The following ATP7B variants were observed in gnomAD, a reference collection of about 807,000 sequenced individuals.
ATP7B encodes the protein ATPase copper transporting beta, also known as copper-transporting ATPase 2.
ATP7B carries 113 observed loss-of-function variants against 118.9 expected under a neutral mutation model. That is an observed-to-expected ratio of 0.95 (90% CI 0.82 to 1.11). The LOEUF (loss-of-function observed/expected upper bound fraction) is 1.11, where lower values mean the gene tolerates loss of function less well. Ranked by LOEUF, ATP7B falls within the 50% of genes most tolerant of loss-of-function variation. The pLI is 0.00. For synonymous variants in ATP7B, 777 were observed against 727.4 expected (o/e 1.07, Z -1.10); for missense variants, 1,867 against 1,871.4 (o/e 1.00, Z 0.04).
chr13:51,945,068 T>G (rs544531029), intron 13 of ATP7B, among the ~76,000 whole-genome samples: 44 of 122,642 alleles, frequency 3.6e-4, no homozygotes, highest in African/African-American at 1.2e-3. Context: ...TTTCTGATGC[T>G]GAGCGGTGGC....
Position 51,934,708 on chromosome 13 carries a change from G to T in ATP7B, c.*48C>A. The T allele has an allele frequency of 6.2e-7, 1 of 1,608,516 alleles. No individual in the cohort carries two copies. ...TGCTGCTGGCTGTCCTGCTCAGCTTGTGGTGAGTGGAGGCAAGTCCCTGCC... is the reference window on the plus strand; with the variant it reads ...TGCTGCTGGCTGTCCTGCTCAGCTTTTGGTGAGTGGAGGCAAGTCCCTGCC... On this transcript the variant is annotated 3_prime_UTR_variant, in exon 21 of 21. Coordinates refer to ENST00000242839, the MANE Select transcript of ATP7B (RefSeq NM_000053.4).
intron 12 of ATP7B, among the ~76,000 whole-genome samples, chr13:51,948,248 T>C (rs1291424831): frequency 1.3e-5 from 2 of 152,190 alleles, no homozygotes; most frequent in Admixed American, 6.5e-5. Flanking sequence ...AAAAAAATTA[T>C]CCATTCTGTA....
intron 1 of ATP7B, among the ~76,000 whole-genome samples, chr13:51,993,331 G>A (rs184548301): frequency 3.3e-5 from 5 of 151,220 alleles, no homozygotes; most frequent in Non-Finnish European, 5.9e-5. Context: ...ACTTTGGGAG[G>A]GGGAGGCAGG....
At position 51,941,178 on chromosome 13, in the gene ATP7B, C is replaced by A. The variant is rs1330620114; in HGVS notation, c.3459G>T (p.Trp1153Cys). The change falls in exon 16 of 21, where the codon TGG (tryptophan) becomes TGT (cysteine). Residue 1153 changes from tryptophan (W) to cysteine (C), a missense_variant. Physicochemically the swap from Trp to Cys is radical, Grantham distance 215. Coordinates refer to ENST00000242839, the MANE Select transcript of ATP7B (RefSeq NM_000053.4). Reference protein sequence around the residue: ...TFSVLIGNREWLRRNGLTISS... With the variant: ...TFSVLIGNRECLRRNGLTISS... ...AAATGGTTAAACCGTTGCGCCTCAGCCACTCACGGTTTCCAATCAGCACAG... is the reference window on the plus strand; with the variant it reads ...AAATGGTTAAACCGTTGCGCCTCAGACACTCACGGTTTCCAATCAGCACAG... 1 of 1,614,128 alleles carries A rather than the reference C, an allele frequency of 6.2e-7. No individual in the cohort carries two copies. Among genetic ancestry groups the A allele is most frequent in the East Asian group, 2.2e-5 (1 of 44,878 alleles).
At chr13:51,964,791 C>G in intron 5 of ATP7B, 81 bp downstream of exon 5, 1 of 1,501,700 alleles carries the variant, frequency 6.7e-7, no homozygotes, top group Non-Finnish European at 9.1e-7. Flanking sequence ...TTTTTCTTAG[C>G]TATATTTTCT....
intron 1 of ATP7B, among the ~76,000 whole-genome samples, chr13:51,984,264 A>G (rs1203079679): frequency 6.6e-6 from 1 of 152,126 alleles, no homozygotes; most frequent in Non-Finnish European, 1.5e-5. Context: ...AACTTCGTGA[A>G]GCATACACAA....
At chr13:51,992,935 G>A (rs1026242153) in intron 1 of ATP7B, among the ~76,000 whole-genome samples, 4 of 124,192 alleles carry the variant, frequency 3.2e-5, no homozygotes, top group East Asian at 2.6e-4. Flanking sequence ...CCAAGATTAC[G>A]CCACTGCACT....
intron 1 of ATP7B, among the ~76,000 whole-genome samples, chr13:52,006,862 C>T (rs1272242493): frequency 6.6e-6 from 1 of 152,194 alleles, no homozygotes; most frequent in East Asian, 1.9e-4. Flanking sequence ...AAGACCCACT[C>T]GAGCACCACC....
intron 9 of ATP7B, among the ~76,000 whole-genome samples, chr13:51,953,571 A>C (rs1275761428): frequency 6.6e-6 from 1 of 152,202 alleles, no homozygotes; most frequent in Non-Finnish European, 1.5e-5. Flanking sequence ...TATGAGGGTT[A>C]ATGTGGCTCC....
At chr13:51,983,589 G>T (rs1246189592) in intron 1 of ATP7B, among the ~76,000 whole-genome samples, 1 of 152,114 alleles carries the variant, frequency 6.6e-6, no homozygotes, top group Non-Finnish European at 1.5e-5. Flanking sequence ...TCCTCAAGTG[G>T]GTCCGTGACC....
At chr13:51,992,675 G>A (rs560028463) in intron 1 of ATP7B, among the ~76,000 whole-genome samples, 42 of 152,174 alleles carry the variant, frequency 2.8e-4, no homozygotes, top group African/African-American at 9.6e-4. Context: ...AAGTGGAACT[G>A]CAATAAAAAA....
intron 19 of ATP7B, 120 bp from the exon 20 acceptor site, chr13:51,935,815 C>G: frequency 2.4e-6 from 2 of 820,278 alleles, no homozygotes; most frequent in East Asian, 5.4e-5. Flanking sequence ...CTGGCGTGCT[C>G]AGAAGCCCCT....
At chr13:51,953,453 G>A (rs548039638) in intron 9 of ATP7B, among the ~76,000 whole-genome samples, 2 of 152,310 alleles carry the variant, frequency 1.3e-5, no homozygotes, top group African/African-American at 4.8e-5. Context: ...GTCTTTCTAA[G>A]AAATCTTTAG....
intron 16 of ATP7B, 32 bp from the exon 17 acceptor site, chr13:51,939,225 A>C: frequency 6.2e-7 from 1 of 1,610,488 alleles, no homozygotes; most frequent in South Asian, 1.1e-5. Flanking sequence ...CAGCAGCTAC[A>C]CAAGTTGGGG....
chr13:51,982,844 G>A (rs879259278), intron 1 of ATP7B, among the ~76,000 whole-genome samples: 7 of 152,212 alleles, frequency 4.6e-5, no homozygotes, highest in Non-Finnish European at 8.8e-5. Flanking sequence ...AAGGGAAGCC[G>A]CGAGGGACTG....
In ATP7B at chr13:51,941,065, C is replaced by G. The variant is rs753108142; in HGVS notation, c.3556+16G>C. The stretch of plus-strand genomic sequence containing the variant: ...TATTTCTGAGAGAGCGGAAGGAAGG[C>G]AGAAGCAGAAGATACCGTCAATAGC... On this transcript the variant is annotated intron_variant, in intron 16 of 20. Transcript: ENST00000242839. 5 of 1,614,166 alleles carry G rather than the reference C, an allele frequency of 3.1e-6. No individual in the cohort carries two copies. Among genetic ancestry groups the G allele is most frequent in the Non-Finnish European group, 4.2e-6 (5 of 1,180,028 alleles).
chr13:51,973,995 T>G lies in ATP7B; in HGVS notation c.1225A>C (p.Ser409Arg). The change falls in exon 2 of 21, where the codon AGC becomes CGC. Residue 409 changes from serine to arginine, a missense_variant. Coordinates refer to ENST00000242839, the MANE Select transcript of ATP7B (RefSeq NM_000053.4). ...ATAGCAGCTCTGAGTTCTTCTGGGCTAATTACAGAGGGATTATAAAGAACT... is the reference window on the plus strand; with the variant it reads ...ATAGCAGCTCTGAGTTCTTCTGGGCGAATTACAGAGGGATTATAAAGAACT... ...ATVLYNPSVI[S>R]PEELRAAIED... is the part of the protein sequence containing the mutation. The G allele has an allele frequency of 6.2e-7, 1 of 1,614,260 alleles. No homozygotes were observed. Among genetic ancestry groups the G allele is most frequent in the South Asian group, 1.1e-5 (1 of 91,090 alleles).
intron 7 of ATP7B, chr13:51,958,755 C>T (rs1372039530): frequency 1.0e-5 from 6 of 588,774 alleles, no homozygotes; most frequent in Non-Finnish European, 1.8e-5. Flanking sequence ...CATGTGAGAC[C>T]TTTAAAACCC....
chr13:51,968,600 G>A lies in ATP7B; in HGVS notation c.1551C>T (p.Leu517=), dbSNP rs866939606. 1 of 1,614,108 alleles carries A rather than the reference G, an allele frequency of 6.2e-7. No homozygotes were observed. The highest frequency in any genetic ancestry group is 1.1e-5 in the South Asian group (1 of 91,078). Residue 517 remains leucine, a synonymous_variant, in exon 4 of 21, where the codon CTC becomes CTT. Transcript: ENST00000242839. ...ERNLQKEAGV[L]SVLVALMAGK... ...CTGCCATCAAGGCAACCAACACGGA[G>A]AGAACACCTGGAACCATCAGGTCAT... is the stretch of plus-strand genomic sequence containing the variant.
Sources: allele counts gnomAD v4.1 joint callset (sites outside exome capture counted in the v4.1 genomes callset), GRCh38; gene constraint gnomAD v4.1.1; transcripts MANE v1.5; gene names NCBI Gene and HGNC (gene_info 2026-07-23, HGNC 2026-07-21).